Variants in AFG1L observed in about 807,000 individuals in gnomAD.
AFG1L encodes AFG1-like ATPase.
A neutral mutation model predicts 62.2 loss-of-function variants in AFG1L; 53 were observed. That is an observed-to-expected ratio of 0.85 (90% CI 0.68 to 1.07). The LOEUF is 1.07. AFG1L is among the 50% of genes least tolerant of loss of function. AFG1L has a pLI of 0.00. For synonymous variants in AFG1L, 228 were observed against 210.3 expected, an observed-to-expected ratio of 1.08 and a Z score of -0.73; for missense variants, 555 against 590.5, an observed-to-expected ratio of 0.94 and a Z score of 0.62.
intron 7 of AFG1L, among the ~76,000 whole-genome samples, chr6:108,402,455 C>T (rs148327147): frequency 1.6e-5 from 2 of 126,488 alleles, no homozygotes; most frequent in East Asian, 2.1e-4. Flanking sequence ...CAGGGCGAGA[C>T]GCCGTCTCGA....
Position 108,356,793 on chromosome 6 carries a change from A to C in AFG1L, c.621A>C (p.Ala207=). 6.2e-7 allele frequency: 1 copy of C among 1,613,376 alleles called. No homozygotes were observed. Among genetic ancestry groups the C allele is most frequent in the South Asian group, 1.1e-5 (1 of 90,854 alleles). ...TAGCCGAAGAAATCAGCGAAGAAGC[A>C]TGTCTCCTATGTTTTGATGAATTTC... is the stretch of plus-strand genomic sequence containing the variant. ...APIAEEISEE[A]CLLCFDEFQV... The change falls in exon 5 of 13, where the codon GCA becomes GCC. Residue 207 remains alanine (A), a synonymous_variant. Coordinates refer to ENST00000368977, the MANE Select transcript of AFG1L (RefSeq NM_145315.5).
chr6:108,437,073 T>C (rs1444294745), intron 7 of AFG1L, among the ~76,000 whole-genome samples: 1 of 152,160 alleles, frequency 6.6e-6, no homozygotes, highest in Non-Finnish European at 1.5e-5. Context: ...AGCCTTTTTT[T>C]ATAAAGGCAG....
chr6:108,338,375 A>G (rs1427360228), intron 2 of AFG1L, among the ~76,000 whole-genome samples: 1 of 152,244 alleles, frequency 6.6e-6, no homozygotes, highest in Non-Finnish European at 1.5e-5. Context: ...TATTTAAGAA[A>G]GAGCTCTGTG....
intron 10 of AFG1L, among the ~76,000 whole-genome samples, chr6:108,501,106 A>G (rs963535060): frequency 1.3e-5 from 2 of 151,724 alleles, no homozygotes; most frequent in African/African-American, 4.8e-5. Context: ...CAATTCTCCT[A>G]CCTCAGCCTC....
At chr6:108,466,715 GA>G (rs947199320) in intron 8 of AFG1L, among the ~76,000 whole-genome samples, 23 of 146,642 alleles carry the variant, frequency 1.6e-4, no homozygotes, top group African/African-American at 4.2e-4. Context: ...AACTGTGTGA[GA>G]AAAAAAAATT....
chr6:108,438,419 T>G (rs1771403946), intron 7 of AFG1L, among the ~76,000 whole-genome samples: 1 of 152,140 alleles, frequency 6.6e-6, no homozygotes, highest in African/African-American at 2.4e-5. Flanking sequence ...CCTCTTCTCA[T>G]AAGGATACCA....
chr6:108,398,660 T>C (rs1321228794), intron 6 of AFG1L, among the ~76,000 whole-genome samples: 2 of 152,242 alleles, frequency 1.3e-5, no homozygotes, highest in East Asian at 3.8e-4. Context: ...CTCATTCTTC[T>C]GCATATGGAT....
At position 108,489,928 on chromosome 6, in the gene AFG1L, G is replaced by T. The variant is rs142945652; in HGVS notation, c.1062+12636G>T. ...CATAGAAAAAGGAAGAGATGAGGGT[G>T]TGGGTGGGGTTGAAAAGTATGTTTT... On this transcript the variant is annotated intron_variant, in intron 10 of 12. Coordinates refer to ENST00000368977, the MANE Select transcript of AFG1L (RefSeq NM_145315.5). Among the ~76,000 whole-genome samples the T allele has an allele frequency of 9.5e-3, 1,446 of 152,314 alleles. 17 individuals carry two copies. Among genetic ancestry groups the T allele is most frequent in the African/African-American group, 0.033 (1,365 of 41,556 alleles).
At chr6:108,310,854 G>A (rs1357124705) in intron 1 of AFG1L, among the ~76,000 whole-genome samples, 1 of 152,168 alleles carries the variant, frequency 6.6e-6, no homozygotes, top group African/African-American at 2.4e-5. Flanking sequence ...TGAAGGTACA[G>A]GCAAGTGTGT....
chr6:108,511,918 G>C (rs900242127), intron 11 of AFG1L, among the ~76,000 whole-genome samples: 2 of 152,232 alleles, frequency 1.3e-5, no homozygotes, highest in African/African-American at 4.8e-5. Context: ...ACGTGAATCA[G>C]ATGTCCACAG....
At chr6:108,481,312 C>T (rs1582646259) in intron 10 of AFG1L, among the ~76,000 whole-genome samples, 2 of 152,162 alleles carry the variant, frequency 1.3e-5, no homozygotes, top group South Asian at 2.1e-4. Context: ...TACCTTGATA[C>T]AGCTACTTGG....
At chr6:108,358,493 G>A (rs1779387659) in intron 5 of AFG1L, among the ~76,000 whole-genome samples, 1 of 152,092 alleles carries the variant, frequency 6.6e-6, no homozygotes, top group Non-Finnish European at 1.5e-5. Context: ...TAAAAATGTA[G>A]ATTTCAAAAC....
intron 8 of AFG1L, among the ~76,000 whole-genome samples, chr6:108,448,185 T>A (rs1432736569): frequency 6.6e-6 from 1 of 152,202 alleles, no homozygotes. Context: ...CTATTTTAGT[T>A]TATTATTCAG....
chr6:108,509,890 T>C (rs1441613641), intron 10 of AFG1L, among the ~76,000 whole-genome samples: 1 of 152,258 alleles, frequency 6.6e-6, no homozygotes, highest in East Asian at 1.9e-4. Context: ...AGTTAGGATT[T>C]AGTGTCTCAT....
At chr6:108,345,901 C>A (rs1778845234) in intron 2 of AFG1L, among the ~76,000 whole-genome samples, 1 of 152,090 alleles carries the variant, frequency 6.6e-6, no homozygotes, top group Non-Finnish European at 1.5e-5. Context: ...TGCCTTCTGG[C>A]CTTTTTATCT....
At chr6:108,424,747 C>T (rs1770741288) in intron 7 of AFG1L, among the ~76,000 whole-genome samples, 1 of 151,954 alleles carries the variant, frequency 6.6e-6, no homozygotes. Flanking sequence ...CTTTTAAATA[C>T]GTTTTCTCCC....
At chr6:108,450,666 T>A (rs576318010) in intron 8 of AFG1L, among the ~76,000 whole-genome samples, 20 of 152,328 alleles carry the variant, frequency 1.3e-4, no homozygotes, top group Non-Finnish European at 2.6e-4. Flanking sequence ...AGACATGAAG[T>A]CCTTGCCCAT....
intron 6 of AFG1L, chr6:108,392,276 A>G (rs1781089450): frequency 6.6e-6 from 1 of 152,206 alleles, no homozygotes; most frequent in Non-Finnish European, 1.5e-5. Flanking sequence ...AGATAGTGAT[A>G]CCTTCGCTTT....
chr6:108,323,371 AT>A (rs1173786097), intron 1 of AFG1L, among the ~76,000 whole-genome samples: 4 of 150,336 alleles, frequency 2.7e-5, no homozygotes, highest in Admixed American at 6.6e-5. Flanking sequence ...TTGTTTAATT[AT>A]TTTTTTTTTG....
Sources: allele counts gnomAD v4.1 joint callset (sites outside exome capture counted in the v4.1 genomes callset), GRCh38; gene constraint gnomAD v4.1.1; transcripts MANE v1.5; gene names NCBI Gene and HGNC (gene_info 2026-07-23, HGNC 2026-07-21).